The following TONSL variants were observed in gnomAD, a reference collection of about 807,000 sequenced individuals.
TONSL encodes tonsoku-like protein.
Under a neutral mutation model 147.1 loss-of-function variants are expected in TONSL, and 112 were observed. That is an observed-to-expected ratio of 0.76 (90% CI 0.65 to 0.89). TONSL has a LOEUF of 0.89. TONSL is among the 40% of genes least tolerant of loss of function. TONSL has a pLI of 0.00. For missense variants in TONSL, 1,883 were observed against 1,864.6 expected (o/e 1.01, Z -0.18); for synonymous variants, 868 against 801.5 (o/e 1.08, Z -1.40).
Position 144,433,665 on chromosome 8 carries a change from G to A in TONSL, c.3482C>T (p.Thr1161Ile), listed in dbSNP as rs782361835. 3 of 1,613,230 alleles carry A rather than the reference G, an allele frequency of 1.9e-6. No homozygotes were observed. The highest frequency in any genetic ancestry group is 3.3e-5 in the Admixed American group (2 of 60,008). ...GAAGCCACACGCCTGCAGGCGCAGG[G>A]TGCTGAGTAAGGGGCAGGCGTGCAG... ...SLLHACPLLS[T>I]LRLQACGFGP... The change falls in exon 22 of 26, where the codon ACC becomes ATC. Residue 1161 changes from threonine (T) to isoleucine (I), a missense_variant. Transcript: ENST00000409379.
At chr8:144,443,416 G>A (rs2129701261) in intron 3 of TONSL, 95 bp from the exon 4 acceptor site, 1 of 1,278,072 alleles carries the variant, frequency 7.8e-7, no homozygotes, top group South Asian at 1.4e-5. Context: ...GCTAAGGAAA[G>A]AGCCTGCTCC....
At position 144,443,938 on chromosome 8, in the gene TONSL, G is replaced by A; in HGVS notation, c.208C>T (p.His70Tyr). The A allele has an allele frequency of 6.5e-7, 1 of 1,544,360 alleles. No individual in the cohort carries two copies. The highest frequency in any genetic ancestry group is 8.7e-7 in the Non-Finnish European group (1 of 1,146,676). Residue 70 changes from histidine (H) to tyrosine (Y), a missense_variant, in exon 3 of 26, where the codon CAC becomes TAC. His to Tyr is a moderately conservative substitution (Grantham distance 83). Coordinates refer to ENST00000409379, the MANE Select transcript of TONSL (RefSeq NM_013432.5). ...GCCAGGCGCTCTCCGATCTTGCGGT[G>A]GGCCACGGCACAGCCCAGAGGGTCG... ...ADDPLGCAVA[H>Y]RKIGERLAEM...
At chr8:144,433,446 C>T (rs1554879164) in intron 22 of TONSL, 142 bp downstream of exon 22, 5 of 810,890 alleles carry the variant, frequency 6.2e-6, no homozygotes, top group East Asian at 2.6e-5. Context: ...TTGGCTCAAG[C>T]GATACTCCCG....
chr8:144,429,473 G>GA, intron 25 of TONSL, 137 bp from the exon 26 acceptor site: 1 of 755,604 alleles, frequency 1.3e-6, no homozygotes, highest in Non-Finnish European at 1.9e-6. Context: ...CAGAGCTCCG[G>GA]AGAGGCCCCA....
rs187847139 is a variant in TONSL, at chr8:144,432,841, G to T, written c.3560-381C>A. 2.2e-3 allele frequency: 380 copies of T among 174,402 alleles called. 1 individual carries two copies. Among genetic ancestry groups the T allele is most frequent in the Non-Finnish European group, 3.1e-3 (257 of 82,776 alleles). 10.8% of individuals were successfully genotyped at this position (174,402 alleles called of 1,614,324 possible). A position where few individuals can be genotyped will look rare whatever the true frequency, so the allele number is the denominator to read the frequency against. ...ACTGGGACCCCAGTCTCTGCAGCCT[G>T]AGTGGGCTCACAGTGGAACTGCCTC... On this transcript the variant is annotated intron_variant, in intron 22 of 25. Transcript: ENST00000409379.
At chr8:144,435,195 T>C (rs1823390779) in intron 18 of TONSL, 25 bp from the exon 19 acceptor site, 1 of 1,486,276 alleles carries the variant, frequency 6.7e-7, no homozygotes, top group Non-Finnish European at 8.9e-7. Context: ...GCGCTGCTGC[T>C]GCTGCCTGCA....
intron 5 of TONSL, 55 bp downstream of exon 5, chr8:144,442,622 A>G: frequency 6.3e-7 from 1 of 1,583,884 alleles, no homozygotes; most frequent in Non-Finnish European, 8.6e-7. Context: ...TCCCCTAACT[A>G]CTTCCTCCAG....
Position 144,430,521 on chromosome 8 carries a change from G to C in TONSL, c.3826C>G (p.Pro1276Ala). 1.9e-6 allele frequency: 3 copies of C among 1,612,054 alleles called. No individual in the cohort carries two copies. Among genetic ancestry groups the C allele is most frequent in the Non-Finnish European group, 2.5e-6 (3 of 1,179,142 alleles). Residue 1276 changes from proline (P) to alanine (A), a missense_variant, in exon 25 of 26, where the codon CCC becomes GCC. By Grantham distance (27) the Pro-to-Ala change is conservative (BLOSUM62 -1). Coordinates refer to ENST00000409379, the MANE Select transcript of TONSL (RefSeq NM_013432.5). ...RDLCRCLSLC[P>A]SLISLDLSAN... ...GACAGATCCAGTGAGATGAGTGAGG[G>C]GCACAGAGAGAGACATCTGAGATAA...
At position 144,441,043 on chromosome 8, in the gene TONSL, C is replaced by A. The variant is rs981121909; in HGVS notation, c.934G>T (p.Val312Phe). Residue 312 changes from valine (V) to phenylalanine (F), a missense_variant, in exon 8 of 26, where the codon GTC (valine) becomes TTC (phenylalanine). Physicochemically the swap from Val to Phe is conservative, Grantham distance 50. Transcript: ENST00000409379. The part of the protein sequence containing the change: ...AEGRDPQGAM[V>F]ICEQLGDLFS... ...AGGTCCCCTAGCTGCTCACAGATGA[C>A]CATGGCACCCTGAGGGTCTCTGCCC... 6.2e-7 allele frequency: 1 copy of A among 1,613,054 alleles called. No individual in the cohort carries two copies.
intron 11 of TONSL, among the ~76,000 whole-genome samples, chr8:144,439,464 ACCC>A (rs1197041559): frequency 1.3e-5 from 2 of 150,974 alleles, no homozygotes; most frequent in African/African-American, 2.4e-5. Flanking sequence ...TCCCTGGAAC[ACCC>A]CCCAACAGGC....
rs1554879403 is a variant in TONSL, at chr8:144,434,240, C to T, written c.3125G>A (p.Gly1042Asp). The change falls in exon 21 of 26, where the codon GGC becomes GAC. Residue 1042 changes from glycine to aspartate, a missense_variant. Gly to Asp is a moderately conservative substitution (Grantham distance 94). Transcript: ENST00000409379. ...QQVLQAVELQGLGLSFSACSL... is the reference protein window; with the variant it reads ...QQVLQAVELQDLGLSFSACSL... ...GCAGGCGCTGAACGAGAGGCCCAAG[C>T]CCTGGAGCTCCACGGCCTGCAGCAC... The T allele has an allele frequency of 1.3e-6, 2 of 1,531,746 alleles. No homozygotes were observed. The highest frequency in any genetic ancestry group is 1.8e-6 in the Non-Finnish European group (2 of 1,137,346). The allele number at this position is 1,531,746 out of a possible 1,614,324, so 94.9% of individuals were successfully genotyped here.
In TONSL at chr8:144,436,690, C is replaced by A; in HGVS notation, c.1891-9G>T. ...TCCAGCGGGCTGAGGCCCTGTGTGG[C>A]ATCAGTTGAGCAGGGGCACAGCAGC... On this transcript the variant is annotated splice_polypyrimidine_tract_variant and intron_variant, in intron 15 of 25. Coordinates refer to ENST00000409379, the MANE Select transcript of TONSL (RefSeq NM_013432.5). 2 of 1,611,934 alleles carry A rather than the reference C, an allele frequency of 1.2e-6. No individual in the cohort carries two copies. The highest frequency in any genetic ancestry group is 1.7e-6 in the Non-Finnish European group (2 of 1,179,896).
chr8:144,429,995 A>T (rs1232647937), intron 25 of TONSL, among the ~76,000 whole-genome samples: 3 of 152,168 alleles, frequency 2.0e-5, no homozygotes, highest in Non-Finnish European at 4.4e-5. Flanking sequence ...GAACAAGCTA[A>T]ATCAGACCAC....
intron 7 of TONSL, 114 bp downstream of exon 7, chr8:144,441,923 C>T (rs1823733446): frequency 1.2e-6 from 1 of 856,178 alleles, no homozygotes; most frequent in Admixed American, 2.6e-5. Context: ...GACAGGTGCT[C>T]AGGCCTCCTC....
At chr8:144,444,068 AGGGCGGCCCTG>A (rs1045081974) in intron 2 of TONSL, 44 bp from the exon 3 acceptor site, 85 of 1,458,820 alleles carry the variant, frequency 5.8e-5, no homozygotes, top group Non-Finnish European at 6.9e-5. Flanking sequence ...CGCGGGTGCG[AGGGCGGCCCTG>A]GGGCGGCGTC....
rs782524749 is a variant in TONSL, at chr8:144,434,452, G to A, written c.3086-173C>T. Among the ~76,000 whole-genome samples the A allele has an allele frequency of 5.1e-4, 77 of 152,158 alleles. No homozygotes were observed. The highest frequency in any genetic ancestry group is 9.7e-4 in the Non-Finnish European group (66 of 67,950). ...CTAGCACTGTGAGGCCCTGGGGGCC[G>A]GGGTGGGTCTGCAGCACCCTGAGCT... On this transcript the variant is annotated intron_variant, in intron 20 of 25. Coordinates refer to ENST00000409379, the MANE Select transcript of TONSL (RefSeq NM_013432.5).
chr8:144,437,133 T>C, intron 13 of TONSL, 34 bp from the exon 14 acceptor site: 1 of 1,601,452 alleles, frequency 6.2e-7, no homozygotes, highest in South Asian at 1.1e-5. Flanking sequence ...CCTGGCCCTG[T>C]GTACCTCACA....
chr8:144,433,881 G>C, intron 21 of TONSL, 97 bp downstream of exon 21: 1 of 1,466,804 alleles, frequency 6.8e-7, no homozygotes, highest in Non-Finnish European at 9.0e-7. Flanking sequence ...GCCGGGCACT[G>C]GCTGGCTCTC....
intron 7 of TONSL, chr8:144,441,377 G>A: frequency 2.3e-6 from 1 of 436,024 alleles, no homozygotes; most frequent in Non-Finnish European, 4.2e-6. Context: ...CAGATCATGA[G>A]GTCAGGAGAT....
Sources: allele counts gnomAD v4.1 joint callset (sites outside exome capture counted in the v4.1 genomes callset), GRCh38; gene constraint gnomAD v4.1.1; transcripts MANE v1.5; gene names NCBI Gene and HGNC (gene_info 2026-07-23, HGNC 2026-07-21).